The following VEPH1 variants were observed in gnomAD, a reference collection of about 807,000 sequenced individuals.
The protein encoded by VEPH1 is ventricular zone-expressed PH domain-containing protein homolog 1.
A neutral mutation model predicts 85.2 loss-of-function variants in VEPH1; 80 were observed. That is an observed-to-expected ratio of 0.94 (90% CI 0.78 to 1.13). The LOEUF is 1.13. Ranked by LOEUF, VEPH1 falls within the 50% of genes most tolerant of loss-of-function variation. The pLI is 0.00. For synonymous variants in VEPH1, 297 were observed against 348.0 expected (o/e 0.85, Z 1.63); for missense variants, 955 against 980.5 (o/e 0.97, Z 0.35).
At chr3:157,499,223 T>C (rs1211835535) in intron 1 of VEPH1, among the ~76,000 whole-genome samples, 1 of 151,780 alleles carries the variant, frequency 6.6e-6, no homozygotes, top group Non-Finnish European at 1.5e-5. Context: ...TAAGGGGTTC[T>C]AATCTGAGGC....
At chr3:157,437,490 C>T in intron 4 of VEPH1, 2 of 1,593,180 alleles carry the variant, frequency 1.3e-6, no homozygotes, top group Non-Finnish European at 1.7e-6. Context: ...GGGCTGCTAA[C>T]GTGTGTGTAT....
At chr3:157,319,169 T>C (rs1721109435) in intron 9 of VEPH1, among the ~76,000 whole-genome samples, 1 of 152,206 alleles carries the variant, frequency 6.6e-6, no homozygotes, top group Non-Finnish European at 1.5e-5. Flanking sequence ...TTAATAGCTT[T>C]CTGTGATTCT....
intron 5 of VEPH1, among the ~76,000 whole-genome samples, chr3:157,420,742 C>A (rs73020302): frequency 0.026 from 3,911 of 152,242 alleles, 186 homozygotes; most frequent in African/African-American, 0.09. Flanking sequence ...AAATAATTCT[C>A]TCCTCTAGGG....
chr3:157,295,836 TC>T (rs1365877268), intron 11 of VEPH1, among the ~76,000 whole-genome samples: 1 of 152,102 alleles, frequency 6.6e-6, no homozygotes, highest in African/African-American at 2.4e-5. Flanking sequence ...AGGCCTGTCG[TC>T]CCAGCTACCC....
At chr3:157,443,176 G>A (rs1734273988) in intron 4 of VEPH1, 2 of 611,834 alleles carry the variant, frequency 3.3e-6, no homozygotes, top group Non-Finnish European at 5.3e-6. Flanking sequence ...AGCTTTTGAG[G>A]ATAATGTTAC....
intron 2 of VEPH1, among the ~76,000 whole-genome samples, chr3:157,485,326 G>A (rs1234983109): frequency 6.6e-6 from 1 of 152,096 alleles, no homozygotes; most frequent in African/African-American, 2.4e-5. Flanking sequence ...GCACATGTAG[G>A]CCATGACAAC....
intron 12 of VEPH1, among the ~76,000 whole-genome samples, chr3:157,268,745 GT>G (rs1467013866): frequency 6.6e-6 from 1 of 152,010 alleles, no homozygotes; most frequent in Non-Finnish European, 1.5e-5. Flanking sequence ...TGACTTTACA[GT>G]TTTTTTGTTT....
Position 157,428,395 on chromosome 3 carries a change from G to C in VEPH1, c.623C>G (p.Ser208Cys), listed in dbSNP as rs34559487. Reference sequence around the variant, plus strand: ...GTACTGTTCTGGCTGTTCCAGCTGAGACATCAAGGCCAGGAGTTCTGTCAG... The same window carrying C: ...GTACTGTTCTGGCTGTTCCAGCTGACACATCAAGGCCAGGAGTTCTGTCAG... ...RHLTELLALM[S>C]QLEQPEQYHL... The change falls in exon 5 of 14, where the codon TCT (serine) becomes TGT (cysteine). Residue 208 changes from serine (S) to cysteine (C), a missense_variant. Physicochemically the swap from Ser to Cys is moderately radical, Grantham distance 112. Coordinates refer to ENST00000362010, the MANE Select transcript of VEPH1 (RefSeq NM_001167912.2). The C allele has an allele frequency of 9.2e-4, 1,483 of 1,614,130 alleles. 8 individuals carry two copies. In the African/African-American group the frequency reaches 0.015, roughly 17 times the overall value.
In VEPH1 at chr3:157,337,245, T is replaced by C. The variant is rs116557839; in HGVS notation, c.1736-20044A>G. Among the ~76,000 whole-genome samples, 776 of 152,168 alleles carry C rather than the reference T, an allele frequency of 5.1e-3. 7 individuals carry two copies. Among genetic ancestry groups the C allele is most frequent in the Non-Finnish European group, 7.7e-3 (522 of 67,984 alleles). On this transcript the variant is annotated intron_variant, in intron 9 of 13. Transcript: ENST00000362010. ...ATAGCAGTGCGATAAATGTTACTTA[T>C]AAAGAGAAATCTGGCATTTCTTTAC...
In VEPH1 at chr3:157,263,635, C is replaced by T. The variant is rs553514264; in HGVS notation, c.2265+1891G>A. On this transcript the variant is annotated intron_variant, in intron 13 of 13. Coordinates refer to ENST00000362010, the MANE Select transcript of VEPH1 (RefSeq NM_001167912.2). ...TGAACTGCCCTTTCAAAAAGATGTTCAGCTACAGAAAAGTCCATCTGTATA... is the reference window on the plus strand; with the variant it reads ...TGAACTGCCCTTTCAAAAAGATGTTTAGCTACAGAAAAGTCCATCTGTATA... Among the ~76,000 whole-genome samples, 79 of 152,254 alleles carry T rather than the reference C, an allele frequency of 5.2e-4. 1 individual carries two copies. The South Asian group carries it at 0.016, about 31-fold the overall frequency.
chr3:157,436,757 A>C, intron 4 of VEPH1: 1 of 302,564 alleles, frequency 3.3e-6, no homozygotes, highest in Non-Finnish European at 5.9e-6. Flanking sequence ...AATTCAGGGG[A>C]ACTCCCGTTA....
At chr3:157,459,928 T>C (rs1200952965) in intron 4 of VEPH1, 1 of 1,537,080 alleles carries the variant, frequency 6.5e-7, no homozygotes, top group Non-Finnish European at 8.7e-7. Flanking sequence ...TTCTTCAAAC[T>C]GAGAAACACA....
intron 9 of VEPH1, 79 bp downstream of exon 9, chr3:157,363,285 A>T: frequency 7.3e-7 from 1 of 1,370,308 alleles, no homozygotes; most frequent in African/African-American, 1.4e-5. Flanking sequence ...AGAGTATGCT[A>T]ATTTACCTGA....
chr3:157,428,194 G>A, intron 5 of VEPH1, 128 bp downstream of exon 5: 2 of 941,328 alleles, frequency 2.1e-6, no homozygotes, highest in Non-Finnish European at 3.1e-6. Flanking sequence ...AAGTAGATGA[G>A]CGCTTTCACT....
intron 5 of VEPH1, among the ~76,000 whole-genome samples, chr3:157,419,957 T>C (rs1237192422): frequency 6.6e-6 from 1 of 151,890 alleles, no homozygotes; most frequent in Non-Finnish European, 1.5e-5. Context: ...ATAAAGAAAA[T>C]ATGGCACATA....
At chr3:157,480,552 A>G (rs879225625) in intron 2 of VEPH1, among the ~76,000 whole-genome samples, 2 of 152,084 alleles carry the variant, frequency 1.3e-5, no homozygotes, top group Admixed American at 1.3e-4. Context: ...AAAGTATCAT[A>G]TTTAGTTTCT....
chr3:157,261,681 G>A lies in VEPH1; in HGVS notation c.2266-311C>T, dbSNP rs555652271. Among the ~76,000 whole-genome samples, 6 of 152,020 alleles carry A rather than the reference G, an allele frequency of 3.9e-5. 1 individual carries two copies. Among genetic ancestry groups the A allele is most frequent in the South Asian group, 4.2e-4 (2 of 4,818 alleles). ...TTATATTAATAGAGCAAGGTGCAAC[G>A]GTACAATTTGGAGTGCTATTAACTT... On this transcript the variant is annotated intron_variant, in intron 13 of 13. Coordinates refer to ENST00000362010, the MANE Select transcript of VEPH1 (RefSeq NM_001167912.2).
chr3:157,430,715 G>C (rs1034632667), intron 4 of VEPH1, among the ~76,000 whole-genome samples: 2 of 150,218 alleles, frequency 1.3e-5, no homozygotes, highest in Non-Finnish European at 2.9e-5. Flanking sequence ...TGACCAAATA[G>C]TTAGTTAAGT....
At chr3:157,462,459 A>G (rs1380205794) in intron 3 of VEPH1, among the ~76,000 whole-genome samples, 2 of 152,194 alleles carry the variant, frequency 1.3e-5, no homozygotes, top group East Asian at 3.8e-4. Flanking sequence ...ACAGTGGTGG[A>G]GTCAATGCAG....
Sources: gnomAD v4.1 joint callset for allele counts (sites outside exome capture counted in the v4.1 genomes callset) on GRCh38, gnomAD v4.1.1 for gene constraint, MANE v1.5 for transcripts, NCBI Gene and HGNC (gene_info 2026-07-23, HGNC 2026-07-21) for gene names.